The following UTP18 variants were observed in gnomAD, a reference collection of about 807,000 sequenced individuals.
The protein encoded by UTP18 is UTP18 small subunit processome component.
UTP18 carries 36 observed loss-of-function variants against 61.1 expected under a neutral mutation model. The observed-to-expected ratio is 0.59, with a 90% CI of 0.45 to 0.78. The LOEUF (loss-of-function observed/expected upper bound fraction) is 0.78. Among genes scored for constraint, UTP18 ranks in the 30% least tolerant of loss-of-function variants. UTP18 has a pLI of 0.00. For synonymous variants in UTP18, 282 were observed against 251.1 expected, an observed-to-expected ratio of 1.12 and a Z score of -1.16; for missense variants, 753 against 693.9, an observed-to-expected ratio of 1.09 and a Z score of -0.96.
chr17:51,280,341 C>T, intron 8 of UTP18, 48 bp from the exon 9 acceptor site: 1 of 1,585,404 alleles, frequency 6.3e-7, no homozygotes, highest in East Asian at 2.3e-5. Flanking sequence ...TTGTGTGATT[C>T]TTCTGTATAC....
intron 7 of UTP18, among the ~76,000 whole-genome samples, chr17:51,279,371 C>G (rs1034206457): frequency 1.7e-4 from 26 of 152,116 alleles, no homozygotes; most frequent in African/African-American, 5.3e-4. Context: ...GAGACATGTC[C>G]TTTTGTAAGT....
Position 51,260,825 on chromosome 17 carries a change from G to C in UTP18, c.241G>C (p.Glu81Gln), listed in dbSNP as rs757773802. ...CCGGCAGCGGAACCGCCTGAGGCTG[G>C]AGGAGGACAAACCGGCCGTGGAGCG... ...RLRQRNRLRL[E>Q]EDKPAVERCL... Residue 81 changes from glutamate (E) to glutamine (Q), a missense_variant, in exon 1 of 14, where the codon GAG becomes CAG. By Grantham distance (29) the Glu-to-Gln change is conservative. Transcript: ENST00000225298. 3.4e-5 allele frequency: 54 copies of C among 1,596,064 alleles called. No individual in the cohort carries two copies. Among genetic ancestry groups the C allele is most frequent in the Non-Finnish European group, 4.4e-5 (52 of 1,172,340 alleles).
At chr17:51,275,204 A>G (rs1904675471) in intron 5 of UTP18, among the ~76,000 whole-genome samples, 1 of 142,268 alleles carries the variant, frequency 7.0e-6, no homozygotes, top group Non-Finnish European at 1.5e-5. Flanking sequence ...TCTCAAAAAA[A>G]AAAAAAAAAA....
At position 51,260,776 on chromosome 17, in the gene UTP18, G is replaced by T. The variant is rs372766030; in HGVS notation, c.192G>T (p.Ala64=). The part of the protein sequence containing the change: ...PSAAAAAIAV[A]AAEEERRLRQ... ...CGGCGGCCGCTGCGATTGCAGTCGCGGCGGCGGAGGAAGAGAGACGGCTCC... is the reference window on the plus strand; with the variant it reads ...CGGCGGCCGCTGCGATTGCAGTCGCTGCGGCGGAGGAAGAGAGACGGCTCC... The change falls in exon 1 of 14, where the codon GCG becomes GCT. Residue 64 remains alanine, a synonymous_variant. Transcript: ENST00000225298. 617 of 1,578,558 alleles carry T rather than the reference G, an allele frequency of 3.9e-4. No individual in the cohort carries two copies. Among genetic ancestry groups the T allele is most frequent in the Non-Finnish European group, 5.1e-4 (593 of 1,163,536 alleles).
intron 10 of UTP18, chr17:51,286,684 C>G (rs1306628246): frequency 2.5e-6 from 1 of 397,878 alleles, no homozygotes; most frequent in Non-Finnish European, 5.0e-6. Context: ...CGTGCCAACC[C>G]TGTAGCGAGG....
chr17:51,261,019 G>A (rs1340887997), intron 1 of UTP18, 93 bp downstream of exon 1: 1 of 1,202,566 alleles, frequency 8.3e-7, no homozygotes, highest in East Asian at 3.3e-5. Flanking sequence ...GGCGACCTGC[G>A]GCGGCGGGGA....
intron 12 of UTP18, 37 bp downstream of exon 12, chr17:51,294,082 A>C (rs370243801): frequency 6.6e-7 from 1 of 1,516,182 alleles, no homozygotes. Flanking sequence ...AGAGATACCT[A>C]TAAACTACTT....
intron 12 of UTP18, among the ~76,000 whole-genome samples, chr17:51,295,457 A>G (rs934344190): frequency 2.0e-5 from 3 of 152,184 alleles, no homozygotes; most frequent in Non-Finnish European, 4.4e-5. Flanking sequence ...TAAATAGGCA[A>G]TCCTTTCCCC....
intron 9 of UTP18, among the ~76,000 whole-genome samples, chr17:51,282,588 T>TA (rs1555555830): frequency 6.6e-6 from 1 of 151,028 alleles, no homozygotes; most frequent in Non-Finnish European, 1.5e-5. Flanking sequence ...TTGGCCCTGG[T>TA]AGAGAGAGAG....
intron 2 of UTP18, among the ~76,000 whole-genome samples, chr17:51,264,121 C>T (rs932919200): frequency 1.3e-5 from 2 of 151,618 alleles, no homozygotes; most frequent in African/African-American, 4.9e-5. Context: ...ACTGCAACCT[C>T]TGCCTCCTGG....
intron 7 of UTP18, among the ~76,000 whole-genome samples, chr17:51,277,885 C>T (rs923155601): frequency 3.3e-5 from 5 of 152,092 alleles, no homozygotes; most frequent in East Asian, 1.9e-4. Context: ...CAAAATACAC[C>T]GACACCTTCA....
At chr17:51,261,358 T>A (rs2055474201) in intron 1 of UTP18, among the ~76,000 whole-genome samples, 1 of 152,248 alleles carries the variant, frequency 6.6e-6, no homozygotes, top group Non-Finnish European at 1.5e-5. Flanking sequence ...TGTCCCCATG[T>A]GACTATGAGA....
chr17:51,290,558 C>T (rs1905215049), intron 11 of UTP18, among the ~76,000 whole-genome samples: 1 of 152,140 alleles, frequency 6.6e-6, no homozygotes, highest in Non-Finnish European at 1.5e-5. Flanking sequence ...AATCCCTGCT[C>T]CCTAATGGGA....
Position 51,288,166 on chromosome 17 carries a change from C to T in UTP18, c.1466C>T (p.Ala489Val), listed in dbSNP as rs1474661648. 1.3e-6 allele frequency: 2 copies of T among 1,596,692 alleles called. No individual in the cohort carries two copies. The highest frequency in any genetic ancestry group is 1.7e-6 in the Non-Finnish European group (2 of 1,175,712). Residue 489 changes from alanine (A) to valine (V), a missense_variant, in exon 11 of 14, where the codon GCA becomes GTA. Coordinates refer to ENST00000225298, the MANE Select transcript of UTP18 (RefSeq NM_016001.3). ...LTFNPTTEIL[A>V]IASEKMKEAV... ...TTCAATCCTACTACAGAAATCTTGGCAATTGCTTCAGAAAAAATGAAAGAA... is the reference window on the plus strand; with the variant it reads ...TTCAATCCTACTACAGAAATCTTGGTAATTGCTTCAGAAAAAATGAAAGAA...
At chr17:51,264,645 C>T (rs1174187775) in intron 2 of UTP18, among the ~76,000 whole-genome samples, 1 of 150,816 alleles carries the variant, frequency 6.6e-6, no homozygotes, top group African/African-American at 2.4e-5. Context: ...AATATCTCTA[C>T]CTAGTTTGTT....
At position 51,280,424 on chromosome 17, in the gene UTP18, A is replaced by G; in HGVS notation, c.1149A>G (p.Gly383=). ...TGATTGGAAGCATGAAAATTAATGG[A>G]AGGGTTGCAGCATCCACATTCTCTT... ...KELIGSMKIN[G]RVAASTFSSD... is the part of the protein sequence containing the mutation. Residue 383 remains glycine (G), a synonymous_variant, in exon 9 of 14, where the codon GGA becomes GGG. Coordinates refer to ENST00000225298, the MANE Select transcript of UTP18 (RefSeq NM_016001.3). 6.2e-7 allele frequency: 1 copy of G among 1,614,142 alleles called. No individual in the cohort carries two copies. The highest frequency in any genetic ancestry group is 8.5e-7 in the Non-Finnish European group (1 of 1,180,002).
At chr17:51,295,988 T>C (rs1905361009) in intron 12 of UTP18, among the ~76,000 whole-genome samples, 1 of 152,240 alleles carries the variant, frequency 6.6e-6, no homozygotes, top group South Asian at 2.1e-4. Flanking sequence ...TCCACTAGAT[T>C]TAATTGATTT....
At chr17:51,263,520 C>A in intron 2 of UTP18, 134 bp downstream of exon 2, 1 of 716,676 alleles carries the variant, frequency 1.4e-6, no homozygotes, top group Non-Finnish European at 2.3e-6. Flanking sequence ...TAGAAAAGAT[C>A]TTTCATGGTT....
intron 5 of UTP18, among the ~76,000 whole-genome samples, chr17:51,275,259 C>T (rs1904677997): frequency 6.8e-6 from 1 of 147,236 alleles, no homozygotes; most frequent in Non-Finnish European, 1.5e-5. Context: ...ACAAACAAAA[C>T]ACATACTTTT....
Sources: gnomAD v4.1 joint callset for allele counts (sites outside exome capture counted in the v4.1 genomes callset) on GRCh38, gnomAD v4.1.1 for gene constraint, MANE v1.5 for transcripts, NCBI Gene and HGNC (gene_info 2026-07-23, HGNC 2026-07-21) for gene names.